The following KIAA1614 variants were observed in gnomAD, a reference collection of about 807,000 sequenced individuals.
KIAA1614 encodes uncharacterized protein KIAA1614.
In KIAA1614, 76 loss-of-function variants were observed where a neutral mutation model predicts 88.7. The ratio of observed to expected loss-of-function variants is 0.86; its 90% confidence interval spans 0.71 to 1.04. KIAA1614 has a LOEUF of 1.04. Ranked by LOEUF, KIAA1614 falls within the 50% of genes least tolerant of loss-of-function variation. The pLI, the probability that KIAA1614 is intolerant of heterozygous loss-of-function variation, is 0.00. For synonymous variants in KIAA1614, 714 were observed against 675.5 expected, an observed-to-expected ratio of 1.06 and a Z score of -0.88; for missense variants, 1,553 against 1,582.5, an observed-to-expected ratio of 0.98 and a Z score of 0.32.
chr1:180,934,005 A>C (rs1269836393), intron 4 of KIAA1614, among the ~76,000 whole-genome samples: 1 of 152,246 alleles, frequency 6.6e-6, no homozygotes, highest in Admixed American at 6.5e-5. Context: ...CTGTAATCCC[A>C]GCACTTTGGG....
At chr1:180,942,480 G>A (rs1654490369) in intron 7 of KIAA1614, among the ~76,000 whole-genome samples, 1 of 152,238 alleles carries the variant, frequency 6.6e-6, no homozygotes, top group African/African-American at 2.4e-5. Context: ...GGCGAGAAGA[G>A]GATGCGGACT....
chr1:180,935,851 C>A lies in KIAA1614; in HGVS notation c.1942C>A (p.Arg648=). ...GRTQGSSPRL[R]LRGSRPRGHR... is the part of the protein sequence containing the mutation. ...GACCCAAGGCAGCAGCCCGCGACTG[C>A]GACTGCGGGGCTCCAGGCCTCGAGG... Residue 648 remains arginine (R), a synonymous_variant, in exon 5 of 9, where the codon CGA becomes AGA. Transcript: ENST00000367588. This position sits in a 1 kb window ranked among gnomAD's most constrained non-coding sequence, Gnocchi z 6.1. 6.2e-7 allele frequency: 1 copy of A among 1,613,682 alleles called. No individual in the cohort carries two copies. The highest frequency in any genetic ancestry group is 1.7e-5 in the Admixed American group (1 of 60,024).
intron 3 of KIAA1614, among the ~76,000 whole-genome samples, chr1:180,920,955 A>G (rs78386434): frequency 6.6e-6 from 1 of 152,228 alleles, no homozygotes; most frequent in South Asian, 2.1e-4. Flanking sequence ...AGCTCTTATT[A>G]TGTGGCAAGA....
In KIAA1614 at chr1:180,944,376, C is replaced by T. The variant is rs764078021; in HGVS notation, c.3160-13C>T. The T allele has an allele frequency of 1.9e-6, 3 of 1,612,096 alleles. No individual in the cohort carries two copies. The highest frequency in any genetic ancestry group is 1.7e-5 in the Admixed American group (1 of 59,964). ...AGCTTTTCTCACCCGCAATATTGTC[C>T]CTTTCTCATCAGGTGTCACCCTCTC... is the stretch of plus-strand genomic sequence containing the variant. On this transcript the variant is annotated splice_polypyrimidine_tract_variant and intron_variant, in intron 7 of 8. Transcript: ENST00000367588.
intron 3 of KIAA1614, chr1:180,928,053 C>T (rs1247034597): frequency 5.8e-6 from 1 of 172,696 alleles, no homozygotes; most frequent in Non-Finnish European, 1.2e-5. Context: ...GCCCAACAAC[C>T]CCGGGCCCTT....
At chr1:180,932,317 T>C (rs993579658) in intron 4 of KIAA1614, among the ~76,000 whole-genome samples, 1 of 152,160 alleles carries the variant, frequency 6.6e-6, no homozygotes, top group Non-Finnish European at 1.5e-5. Flanking sequence ...AAAGCAGGGC[T>C]GCAATATGAC....
chr1:180,928,220 C>A, intron 3 of KIAA1614: 1 of 535,216 alleles, frequency 1.9e-6, no homozygotes, highest in South Asian at 3.5e-5. Flanking sequence ...AGCCCCCATC[C>A]AGAGCCACGC....
chr1:180,920,712 CGGGCTGGGG>C (rs1653934295), intron 3 of KIAA1614, among the ~76,000 whole-genome samples: 1 of 84,608 alleles, frequency 1.2e-5, no homozygotes, highest in Non-Finnish European at 2.4e-5. Context: ...AGGCTGGGGG[CGGGCTGGGG>C]GCGGGCTGGG....
rs1455049299 is a variant in KIAA1614 at position 180,951,465 on chromosome 1, AG to A, written c.*5879del. 6.9e-6 allele frequency: 1 copy of A among 144,354 alleles called. No homozygotes were observed. The highest frequency in any genetic ancestry group is 1.5e-5 in the Non-Finnish European group (1 of 65,662). 8.9% of individuals were successfully genotyped at this position (144,354 alleles called of 1,614,324 possible). On this transcript the variant is annotated 3_prime_UTR_variant, in exon 9 of 9. Transcript: ENST00000367588. ...CCTCCTGGCGGTGCTGTCGGTGGGC[AG>A]GTGGGTGGGTGGGCAGCAGGGAAGC...
intron 7 of KIAA1614, 81 bp from the exon 8 acceptor site, chr1:180,944,308 A>G (rs1409660459): frequency 2.8e-6 from 4 of 1,435,042 alleles, no homozygotes; most frequent in Non-Finnish European, 3.9e-6. Flanking sequence ...CAGGGCCCTC[A>G]GGTTCATGGT....
chr1:180,941,138 G>A lies in KIAA1614; in HGVS notation c.3012G>A (p.Leu1004=), dbSNP rs377721291. Residue 1004 remains leucine (L), a synonymous_variant, in exon 7 of 9, where the codon CTG becomes CTA. Coordinates refer to ENST00000367588, the MANE Select transcript of KIAA1614 (RefSeq NM_020950.2). ...GGAGCAGCAGCATAGCCTCCACCCT[G>A]GGGCTGAAAAAGCTCTTCTCAGCCC... is the stretch of plus-strand genomic sequence containing the variant. ...KKRSSSIAST[L]GLKKLFSALG... 1.5e-5 allele frequency: 24 copies of A among 1,613,384 alleles called. No homozygotes were observed. Among genetic ancestry groups the A allele is most frequent in the Non-Finnish European group, 1.8e-5 (21 of 1,179,892 alleles).
chr1:180,917,328 C>T (rs544760542), intron 2 of KIAA1614, among the ~76,000 whole-genome samples: 1 of 152,294 alleles, frequency 6.6e-6, no homozygotes, highest in South Asian at 2.1e-4. Context: ...ACCCTGCAGA[C>T]CAATAGGAGG....
chr1:180,943,573 G>A (rs1469591974), intron 7 of KIAA1614, among the ~76,000 whole-genome samples: 1 of 3,296 alleles, frequency 3.0e-4, no homozygotes, highest in African/African-American at 1.6e-3. Context: ...TTTTGAGACA[G>A]GGTCTCATTC....
chr1:180,939,569 G>A (rs555425241), intron 6 of KIAA1614, among the ~76,000 whole-genome samples: 62 of 152,178 alleles, frequency 4.1e-4, no homozygotes, highest in African/African-American at 1.5e-3. Flanking sequence ...ACTTCTCCTG[G>A]CCTGAACTCA....
intron 3 of KIAA1614, among the ~76,000 whole-genome samples, chr1:180,922,743 T>G (rs1054982824): frequency 6.6e-6 from 1 of 152,202 alleles, no homozygotes; most frequent in African/African-American, 2.4e-5. Flanking sequence ...CGTGTGCAGA[T>G]GTTTCCCACC....
chr1:180,930,335 C>T (rs1654170252), intron 4 of KIAA1614, among the ~76,000 whole-genome samples: 1 of 152,090 alleles, frequency 6.6e-6, no homozygotes, highest in Non-Finnish European at 1.5e-5. Flanking sequence ...AGGAGAATCA[C>T]TTGAACCCGG....
rs778199868 is a variant in KIAA1614 at position 180,945,717 on chromosome 1, G to A, written c.*129G>A. 6.4e-6 allele frequency: 9 copies of A among 1,400,372 alleles called. No individual in the cohort carries two copies. The highest frequency in any genetic ancestry group is 8.3e-6 in the Non-Finnish European group (9 of 1,088,090). 86.7% of individuals were successfully genotyped at this position (1,400,372 alleles called of 1,614,324 possible). ...TGCAGAGCCTTTGCCCTAGGCAACTGCAGCTGAGAGTGCGTTGGTGGGGAG... is the reference window on the plus strand; with the variant it reads ...TGCAGAGCCTTTGCCCTAGGCAACTACAGCTGAGAGTGCGTTGGTGGGGAG... On this transcript the variant is annotated 3_prime_UTR_variant, in exon 9 of 9. Coordinates refer to ENST00000367588, the MANE Select transcript of KIAA1614 (RefSeq NM_020950.2).
chr1:180,944,656 A>T (rs1395027078), intron 8 of KIAA1614, 140 bp downstream of exon 8: 3 of 954,186 alleles, frequency 3.1e-6, no homozygotes, highest in East Asian at 5.9e-5. Flanking sequence ...TGATGTGTGG[A>T]GACGAGGCTG....
chr1:180,918,997 G>A (rs1160516037), intron 3 of KIAA1614, among the ~76,000 whole-genome samples: 1 of 152,138 alleles, frequency 6.6e-6, no homozygotes, highest in Non-Finnish European at 1.5e-5. Context: ...GTGGAGGAAA[G>A]GGCAAGGCAG....
Sources: gnomAD v4.1 joint callset for allele counts (sites outside exome capture counted in the v4.1 genomes callset) on GRCh38, gnomAD v4.1.1 for gene constraint, Gnocchi (gnomAD v3.1) non-coding constraint, MANE v1.5 for transcripts, NCBI Gene and HGNC (gene_info 2026-07-23, HGNC 2026-07-21) for gene names.